WWC2: variants seen among roughly 807,000 people sequenced by gnomAD.
WWC2 encodes the protein protein WWC2.
A neutral mutation model predicts 138.5 loss-of-function variants in WWC2; 101 were observed. The ratio of observed to expected loss-of-function variants is 0.73; its 90% CI spans 0.62 to 0.86. The LOEUF (loss-of-function observed/expected upper bound fraction) is 0.86. Ranked by LOEUF, WWC2 falls within the 40% of genes least tolerant of loss-of-function variation. WWC2 has a pLI of 0.00. For synonymous variants in WWC2, 558 were observed against 538.4 expected (o/e 1.04, Z -0.50); for missense variants, 1,420 against 1,419.4 (o/e 1.00, Z -0.01).
chr4:183,274,051 C>T (rs1737778479), intron 16 of WWC2, among the ~76,000 whole-genome samples: 1 of 152,172 alleles, frequency 6.6e-6, no homozygotes, highest in Non-Finnish European at 1.5e-5. Flanking sequence ...GTTTATATTT[C>T]TGGACTCTCA....
chr4:183,202,437 A>C (rs1735327599), intron 2 of WWC2, among the ~76,000 whole-genome samples: 1 of 152,178 alleles, frequency 6.6e-6, no homozygotes, highest in South Asian at 2.1e-4. Flanking sequence ...TACACCATCC[A>C]CTGACAAATG....
intron 1 of WWC2, among the ~76,000 whole-genome samples, chr4:183,182,643 T>C (rs959168036): frequency 6.2e-5 from 2 of 32,192 alleles, no homozygotes; most frequent in Non-Finnish European, 1.2e-4. Flanking sequence ...ATACTTGAGA[T>C]AAATTCTGTT....
intron 1 of WWC2, among the ~76,000 whole-genome samples, chr4:183,147,391 A>T (rs913258990): frequency 6.6e-6 from 1 of 152,074 alleles, no homozygotes; most frequent in Non-Finnish European, 1.5e-5. Context: ...CCTTATTGTA[A>T]CTCTTAGATT....
rs376306188 is a variant in WWC2, at chr4:183,295,765, C to T, written c.3384+6130C>T. 9.2e-5 allele frequency among the ~76,000 whole-genome samples: 14 copies of T among 152,234 alleles called. No homozygotes were observed. The East Asian group carries it at 2.5e-3, about 27-fold the overall frequency. On this transcript the variant is annotated intron_variant, in intron 21 of 22. Transcript: ENST00000403733. ...AATGGCAGCGCGAGAGGAAAGGTGC[C>T]CAGTTCATTCTTCCCAGGGTGCCGA...
At chr4:183,172,816 C>G (rs964182943) in intron 1 of WWC2, among the ~76,000 whole-genome samples, 3 of 151,978 alleles carry the variant, frequency 2.0e-5, no homozygotes, top group Non-Finnish European at 2.9e-5. Context: ...ACTTTGTTCT[C>G]TCTCTCTGGA....
chr4:183,108,679 C>T (rs1051635130), intron 1 of WWC2, among the ~76,000 whole-genome samples: 48 of 151,866 alleles, frequency 3.2e-4, no homozygotes, highest in African/African-American at 1.1e-3. Context: ...GTTGTGATCT[C>T]GGCTCACTGC....
At position 183,319,657 on chromosome 4, in the gene WWC2, A is replaced by G; in HGVS notation, c.*3928A>G. On this transcript the variant is annotated 3_prime_UTR_variant, in exon 23 of 23. Transcript: ENST00000403733. The stretch of plus-strand genomic sequence containing the variant: ...GAAGCTAGGGGAGCGTGGCTGGAGC[A>G]GGCTGCACAGTGGAGCAGACACCCT... The G allele has an allele frequency of 6.2e-7, 1 of 1,614,174 alleles. No individual in the cohort carries two copies. The highest frequency in any genetic ancestry group is 1.3e-5 in the African/African-American group (1 of 75,042).
At chr4:183,121,382 A>G (rs925625649) in intron 1 of WWC2, among the ~76,000 whole-genome samples, 2 of 151,824 alleles carry the variant, frequency 1.3e-5, no homozygotes, top group Non-Finnish European at 2.9e-5. Flanking sequence ...TGCATTATAT[A>G]CTTCCCAGTT....
chr4:183,197,393 T>C (rs1735173888), intron 2 of WWC2, among the ~76,000 whole-genome samples: 2 of 152,224 alleles, frequency 1.3e-5, no homozygotes, highest in African/African-American at 2.4e-5. Context: ...TCCACACATA[T>C]GTTGTGTTCT....
At chr4:183,196,711 A>G (rs1412389258) in intron 2 of WWC2, among the ~76,000 whole-genome samples, 1 of 151,996 alleles carries the variant, frequency 6.6e-6, no homozygotes, top group Admixed American at 6.5e-5. Flanking sequence ...CTTTCTTTGC[A>G]TCTGTAGAGT....
chr4:183,115,405 G>A (rs1461689105), intron 1 of WWC2, among the ~76,000 whole-genome samples: 1 of 152,154 alleles, frequency 6.6e-6, no homozygotes, highest in Admixed American at 6.5e-5. Flanking sequence ...GGGATTGCTC[G>A]GTTGGATGGC....
chr4:183,132,744 C>T (rs112917660), intron 1 of WWC2, among the ~76,000 whole-genome samples: 2,270 of 152,138 alleles, frequency 0.015, 55 homozygotes, highest in African/African-American at 0.052. Context: ...TGAGCCACCG[C>T]GCCCGGCCGA....
At position 183,264,974 on chromosome 4, in the gene WWC2, A is replaced by G. The variant is rs377216225; in HGVS notation, c.1910-4A>G. 5 of 1,611,692 alleles carry G rather than the reference A, an allele frequency of 3.1e-6. No homozygotes were observed. The highest frequency in any genetic ancestry group is 4.2e-6 in the Non-Finnish European group (5 of 1,178,784). The stretch of plus-strand genomic sequence containing the variant: ...GATTAGTGCTCTCACCCTCCCCTCC[A>G]TAGATGTGGAAAAATCATTACCAAA... On this transcript the variant is annotated splice_polypyrimidine_tract_variant and splice_region_variant and intron_variant, in intron 11 of 22. Coordinates refer to ENST00000403733, the MANE Select transcript of WWC2 (RefSeq NM_024949.6).
At chr4:183,267,624 C>G (rs1439316016) in intron 14 of WWC2, among the ~76,000 whole-genome samples, 1 of 152,200 alleles carries the variant, frequency 6.6e-6, no homozygotes, top group Non-Finnish European at 1.5e-5. Context: ...TTCAACTAAA[C>G]CAATCACAGT....
intron 1 of WWC2, among the ~76,000 whole-genome samples, chr4:183,142,843 A>G (rs1197715916): frequency 6.6e-6 from 1 of 152,224 alleles, no homozygotes; most frequent in Non-Finnish European, 1.5e-5. Context: ...TTTACTGTTC[A>G]GTATCCTGTA....
intron 1 of WWC2, among the ~76,000 whole-genome samples, chr4:183,148,520 C>T (rs1293898719): frequency 6.6e-6 from 1 of 152,134 alleles, no homozygotes; most frequent in Admixed American, 6.5e-5. Flanking sequence ...TTCCCTGCTG[C>T]CTTCCCCATT....
intron 4 of WWC2, among the ~76,000 whole-genome samples, chr4:183,210,587 C>T (rs1381944933): frequency 1.3e-5 from 2 of 152,108 alleles, no homozygotes; most frequent in Non-Finnish European, 1.5e-5. Context: ...TAAAAAAATA[C>T]AACCATGGCT....
In WWC2 at chr4:183,103,452, G is replaced by A. The variant is rs1466769481; in HGVS notation, c.131+3830G>A. Among the ~76,000 whole-genome samples, 4 of 150,016 alleles carry A rather than the reference G, an allele frequency of 2.7e-5. No individual in the cohort carries two copies. In the Admixed American group the frequency reaches 2.7e-4, roughly 10 times the overall value. On this transcript the variant is annotated intron_variant, in intron 1 of 22. Transcript: ENST00000403733. The stretch of plus-strand genomic sequence containing the variant: ...AGCGATTCTCCTGTCTCAGCCTCCC[G>A]AGTAGCTGGGATTCCAGGCGCCTGC...
At position 183,289,650 on chromosome 4, in the gene WWC2, G is replaced by C; in HGVS notation, c.3384+15G>C. ...CTGAGAAGCAGGTACGCAGCTCAGG[G>C]TCTGTCATCTCGGAGGGGCTTACAT... On this transcript the variant is annotated intron_variant, in intron 21 of 22. Coordinates refer to ENST00000403733, the MANE Select transcript of WWC2 (RefSeq NM_024949.6). 6.2e-7 allele frequency: 1 copy of C among 1,611,632 alleles called. No homozygotes were observed. Among genetic ancestry groups the C allele is most frequent in the Non-Finnish European group, 8.5e-7 (1 of 1,178,882 alleles).
Sources: allele counts gnomAD v4.1 joint callset (sites outside exome capture counted in the v4.1 genomes callset), GRCh38; gene constraint gnomAD v4.1.1; transcripts MANE v1.5; gene names NCBI Gene and HGNC (gene_info 2026-07-23, HGNC 2026-07-21).